The following TBXAS1 variants were observed in gnomAD, a reference collection of about 807,000 sequenced individuals.
TBXAS1 encodes the protein thromboxane A synthase 1.
In TBXAS1, 48 loss-of-function variants were observed where a neutral mutation model predicts 60.7. The ratio of observed to expected loss-of-function variants is 0.79; its 90% CI spans 0.63 to 1.01. The LOEUF (loss-of-function observed/expected upper bound fraction) is 1.01. TBXAS1 is among the 50% of genes least tolerant of loss of function. TBXAS1 has a pLI of 0.00. For synonymous variants in TBXAS1, 287 were observed against 269.7 expected, an observed-to-expected ratio of 1.06 and a Z score of -0.63; for missense variants, 685 against 686.3, an observed-to-expected ratio of 1.00 and a Z score of 0.02.
rs535063333 is a variant in TBXAS1, at chr7:139,835,303, C to T, written c.89+5824C>T. Reference sequence around the variant, plus strand: ...CAGGATTATCTTGATCTCCTGACCTCGTGGTCCACCCACCTCGGCCTCCCA... The same window carrying T: ...CAGGATTATCTTGATCTCCTGACCTTGTGGTCCACCCACCTCGGCCTCCCA... On this transcript the variant is annotated intron_variant, in intron 1 of 12. Transcript: ENST00000448866. 3.2e-4 allele frequency among the ~76,000 whole-genome samples: 49 copies of T among 152,188 alleles called. No individual in the cohort carries two copies. The South Asian group carries it at 3.5e-3, about 11-fold the overall frequency.
At chr7:139,842,867 GAA>G (rs1358982753) in intron 1 of TBXAS1, among the ~76,000 whole-genome samples, 1 of 152,184 alleles carries the variant, frequency 6.6e-6, no homozygotes, top group Non-Finnish European at 1.5e-5. Context: ...CACAATCTCA[GAA>G]AGAGGCCGGC....
intron 1 of TBXAS1, among the ~76,000 whole-genome samples, chr7:139,845,613 C>G (rs1799746110): frequency 6.6e-6 from 1 of 152,110 alleles, no homozygotes; most frequent in Non-Finnish European, 1.5e-5. Context: ...GCACTCAACA[C>G]ACTTCTGTTG....
chr7:139,879,255 G>A (rs1416468831), intron 3 of TBXAS1, among the ~76,000 whole-genome samples: 23 of 152,328 alleles, frequency 1.5e-4, no homozygotes, highest in Non-Finnish European at 7.4e-5. Context: ...GTCTACTTAT[G>A]TAGCCTGCTT....
At chr7:139,894,749 C>T (rs1803947921) in intron 3 of TBXAS1, among the ~76,000 whole-genome samples, 1 of 152,194 alleles carries the variant, frequency 6.6e-6, no homozygotes, top group South Asian at 2.1e-4. Flanking sequence ...GGCACAAAGT[C>T]AGAGGGGATG....
chr7:139,904,806 A>G (rs1804844384), intron 3 of TBXAS1, among the ~76,000 whole-genome samples: 1 of 152,054 alleles, frequency 6.6e-6, no homozygotes, highest in South Asian at 2.1e-4. Flanking sequence ...TGTATCTGGA[A>G]ACTTTGCTGA....
At chr7:139,878,327 G>A (rs75882377) in intron 3 of TBXAS1, among the ~76,000 whole-genome samples, 2,324 of 152,214 alleles carry the variant, frequency 0.015, 34 homozygotes, top group African/African-American at 0.033. Flanking sequence ...AACTTTAACT[G>A]AGTTAACACA....
chr7:139,810,014 G>A (rs1347331466), intron 4 of TBXAS1, among the ~76,000 whole-genome samples: 1 of 151,946 alleles, frequency 6.6e-6, no homozygotes, highest in Non-Finnish European at 1.5e-5. Flanking sequence ...GCCCAGGCTT[G>A]GTCATTTTCA....
At chr7:139,905,149 T>C (rs2117019380) in intron 3 of TBXAS1, among the ~76,000 whole-genome samples, 1 of 151,780 alleles carries the variant, frequency 6.6e-6, no homozygotes, top group African/African-American at 2.4e-5. Context: ...CTTCCAGTAC[T>C]ATGTTGAAGA....
chr7:139,931,910 T>C (rs1474067935), intron 4 of TBXAS1, among the ~76,000 whole-genome samples: 1 of 152,030 alleles, frequency 6.6e-6, no homozygotes, highest in Non-Finnish European at 1.5e-5. Flanking sequence ...AGCTATTGTT[T>C]AATAGGCACA....
Position 139,957,710 on chromosome 7 carries a change from T to TA in TBXAS1, c.767dup (p.Asn256LysfsTer5), listed in dbSNP as rs1569519419. On this transcript the variant is annotated frameshift_variant, in exon 8 of 13. Transcript: ENST00000448866. LOFTEE classifies it high-confidence loss of function. ...ACCGAGACGAACTGAATGGCTTTTT[T>TA]AACAAACTCATTAGGAATGTGATTG... 1 of 1,614,198 alleles carries TA rather than the reference T, an allele frequency of 6.2e-7. No homozygotes were observed. Among genetic ancestry groups the TA allele is most frequent in the African/African-American group, 1.3e-5 (1 of 75,050 alleles).
chr7:139,793,783 G>A (rs17161130), intron 4 of TBXAS1, among the ~76,000 whole-genome samples: 2,017 of 152,234 alleles, frequency 0.013, 26 homozygotes, highest in East Asian at 0.053. Flanking sequence ...GAGCATTTTC[G>A]CATTCATGAT....
At position 139,911,291 on chromosome 7, in the gene TBXAS1, T is replaced by C; in HGVS notation, c.303T>C (p.Val101=). The C allele has an allele frequency of 6.2e-7, 1 of 1,614,188 alleles. No individual in the cohort carries two copies. The highest frequency in any genetic ancestry group is 8.5e-7 in the Non-Finnish European group (1 of 1,180,020). Residue 101 remains valine, a synonymous_variant, in exon 4 of 13, where the codon GTT becomes GTC. Coordinates refer to ENST00000448866, the MANE Select transcript of TBXAS1 (RefSeq NM_001061.7). ...CAGACATGATCAAGCAGGTGTTGGT[T>C]GAGAACTTCAGTAACTTTACCAACA... The part of the protein sequence containing the change: ...SEPDMIKQVL[V]ENFSNFTNRM...
upstream of TBXAS1, among the ~76,000 whole-genome samples, chr7:139,827,611 A>G (rs1013914348): frequency 2.0e-5 from 3 of 152,052 alleles, no homozygotes; most frequent in Admixed American, 1.3e-4. Flanking sequence ...TTCTGTTTTG[A>G]TGTGTTTCCA....
intron 3 of TBXAS1, among the ~76,000 whole-genome samples, chr7:139,783,778 T>C (rs1218152683): frequency 6.6e-6 from 1 of 152,200 alleles, no homozygotes; most frequent in Non-Finnish European, 1.5e-5. Flanking sequence ...TGCTCCTATC[T>C]GGCAACCCCT....
At chr7:139,869,920 A>G (rs1354611649) in intron 1 of TBXAS1, among the ~76,000 whole-genome samples, 1 of 152,192 alleles carries the variant, frequency 6.6e-6, no homozygotes, top group East Asian at 1.9e-4. Context: ...CAGAGAAGGA[A>G]GTGGTAGGGA....
At chr7:139,955,227 C>T (rs920671331) in intron 6 of TBXAS1, among the ~76,000 whole-genome samples, 10 of 152,146 alleles carry the variant, frequency 6.6e-5, no homozygotes, top group South Asian at 2.1e-4. Context: ...TTTGTTTAGA[C>T]GCCAGGTCTT....
intron 9 of TBXAS1, among the ~76,000 whole-genome samples, chr7:139,998,619 G>T (rs983034886): frequency 2.0e-5 from 3 of 152,092 alleles, no homozygotes; most frequent in Non-Finnish European, 4.4e-5. Context: ...AAGACCAAAT[G>T]GTATAATGGA....
At chr7:139,919,700 A>G (rs1189540080) in intron 4 of TBXAS1, among the ~76,000 whole-genome samples, 4 of 152,196 alleles carry the variant, frequency 2.6e-5, no homozygotes, top group Admixed American at 1.3e-4. Context: ...TTACCAGGCC[A>G]GTCGAGAATC....
At chr7:139,905,896 TG>T (rs1287918366) in intron 3 of TBXAS1, among the ~76,000 whole-genome samples, 2 of 152,296 alleles carry the variant, frequency 1.3e-5, no homozygotes, top group Admixed American at 1.3e-4. Flanking sequence ...TATGTTTTAG[TG>T]TCAAGTCTAA....
Sources: gnomAD v4.1 joint callset for allele counts (sites outside exome capture counted in the v4.1 genomes callset) on GRCh38, gnomAD v4.1.1 for gene constraint, MANE v1.5 for transcripts, NCBI Gene and HGNC (gene_info 2026-07-23, HGNC 2026-07-21) for gene names.